Variants in PDE12 observed in about 807,000 individuals in gnomAD.
The protein encoded by PDE12 is 2',5'-phosphodiesterase 12.
A neutral mutation model predicts 45.4 loss-of-function variants in PDE12; 26 were observed. That is an observed-to-expected ratio of 0.57 (90% CI 0.42 to 0.79). The LOEUF is 0.79. Among genes scored for constraint, PDE12 ranks in the 30% least tolerant of loss-of-function variants. The pLI is 0.00. For missense variants in PDE12, 668 were observed against 790.0 expected (o/e 0.85, Z 1.85); for synonymous variants, 283 against 323.9 (o/e 0.87, Z 1.36).
At chr3:57,640,083 A>G in the PDE12 span, among the ~76,000 whole-genome samples, 5 of 151,468 alleles carry the variant, frequency 3.3e-5, no homozygotes, top group African/African-American at 1.2e-4. Flanking sequence ...AAACTGGCCA[A>G]CATGGTGAAA....
chr3:57,622,157 C>T, the PDE12 span, among the ~76,000 whole-genome samples: 1 of 152,156 alleles, frequency 6.6e-6, no homozygotes, highest in Admixed American at 6.6e-5. Context: ...GCCTGCGCAA[C>T]AGAGTGAGAC....
chr3:57,605,214 C>T, the PDE12 span, among the ~76,000 whole-genome samples: 1 of 151,914 alleles, frequency 6.6e-6, no homozygotes, highest in Non-Finnish European at 1.5e-5. Flanking sequence ...GTCTTTGAGC[C>T]GAGAGTCTAG....
At chr3:57,646,361 G>A in the PDE12 span, 17 of 1,613,864 alleles carry the variant, frequency 1.1e-5, no homozygotes, top group South Asian at 3.3e-5. Context: ...TGGTGATGGC[G>A]CCATAACCAC....
the PDE12 span, among the ~76,000 whole-genome samples, chr3:57,574,349 ATAATTTATCTC>A: frequency 7.9e-5 from 12 of 152,134 alleles, no homozygotes; most frequent in Non-Finnish European, 1.5e-4. Flanking sequence ...TAAGTTTCTG[ATAATTTATCTC>A]CATCACTGAA....
chr3:57,609,983 CAATAA>C, the PDE12 span, among the ~76,000 whole-genome samples: 1 of 152,122 alleles, frequency 6.6e-6, no homozygotes, highest in Non-Finnish European at 1.5e-5. Context: ...CAAAAATTCT[CAATAA>C]AATACTGGCA....
the PDE12 span, among the ~76,000 whole-genome samples, chr3:57,647,032 T>C: frequency 6.6e-6 from 1 of 152,308 alleles, no homozygotes; most frequent in East Asian, 1.9e-4. Flanking sequence ...TTACCAGGCC[T>C]AAGACACTTG....
the PDE12 span, among the ~76,000 whole-genome samples, chr3:57,575,174 C>G: frequency 6.6e-6 from 1 of 151,976 alleles, no homozygotes; most frequent in African/African-American, 2.4e-5. Context: ...TTAAAACAAG[C>G]AAACAAACAT....
chr3:57,634,779 G>A, the PDE12 span: 3 of 1,540,448 alleles, frequency 1.9e-6, no homozygotes, highest in East Asian at 2.3e-5. Flanking sequence ...CCTGAAGGAA[G>A]CAGCATAAAG....
At chr3:57,600,978 C>T in the PDE12 span, 2 of 152,094 alleles carry the variant, frequency 1.3e-5, no homozygotes, top group Non-Finnish European at 1.5e-5. Flanking sequence ...AGAAAAATTG[C>T]TATAGTTTAT....
chr3:57,632,755 A>G, the PDE12 span, among the ~76,000 whole-genome samples: 2 of 152,076 alleles, frequency 1.3e-5, no homozygotes, highest in Admixed American at 6.6e-5. Context: ...CAATAACCAC[A>G]TTGTCTAGTC....
the PDE12 span, chr3:57,628,433 C>A: frequency 6.8e-7 from 1 of 1,473,580 alleles, no homozygotes; most frequent in Non-Finnish European, 9.0e-7. Context: ...TTTTAAAGGT[C>A]TAACAATTAG....
chr3:57,644,207 C>T, the PDE12 span, among the ~76,000 whole-genome samples: 1 of 150,980 alleles, frequency 6.6e-6, no homozygotes, highest in Admixed American at 6.6e-5. Context: ...CAATACCTAG[C>T]GAACACCAAC....
At chr3:57,581,525 G>A in the PDE12 span, among the ~76,000 whole-genome samples, 1 of 152,348 alleles carries the variant, frequency 6.6e-6, no homozygotes, top group African/African-American at 2.4e-5. Context: ...TATTGGCCAA[G>A]CGCAGTAGCT....
At chr3:57,614,522 CGTTTTTTTTTTTTTGTTTTTT>C in the PDE12 span, among the ~76,000 whole-genome samples, 1 of 134,786 alleles carries the variant, frequency 7.4e-6, no homozygotes, top group African/African-American at 2.6e-5. Flanking sequence ...GCCTGTAATC[CGTTTTTTTTTTTTTGTTTTTT>C]GTTTTTTTTT....
the PDE12 span, among the ~76,000 whole-genome samples, chr3:57,635,280 G>C: frequency 1.3e-5 from 2 of 152,102 alleles, no homozygotes; most frequent in Non-Finnish European, 2.9e-5. Flanking sequence ...TACACTGCCA[G>C]CAAGTGGTGA....
chr3:57,615,655 T>TA, the PDE12 span, among the ~76,000 whole-genome samples: 4 of 151,942 alleles, frequency 2.6e-5, no homozygotes, highest in Non-Finnish European at 4.4e-5. Flanking sequence ...AACTTAAAGG[T>TA]TAGCTGGGCA....
the PDE12 span, chr3:57,654,746 C>T: frequency 1.0e-6 from 1 of 985,336 alleles, no homozygotes; most frequent in Non-Finnish European, 1.2e-6. Context: ...GAAAGGAGCG[C>T]CTACACTCAA....
chr3:57,557,605 C>A lies in PDE12; in HGVS notation c.1226C>A (p.Pro409Gln). The change falls in exon 1 of 3, where the codon CCA becomes CAA. Residue 409 changes from proline to glutamine, a missense_variant. By Grantham distance (76) the Pro-to-Gln change is moderately conservative. Transcript: ENST00000311180. ...ISFYEALESD[P>Q]LHKELLEKLV... ...TTCTACGAAGCCCTCGAGTCCGACC[C>A]ACTTCACAAAGAACTGCTGGAGAAA... is the stretch of plus-strand genomic sequence containing the variant. 6.2e-7 allele frequency: 1 copy of A among 1,614,130 alleles called. No homozygotes were observed. Among genetic ancestry groups the A allele is most frequent in the Non-Finnish European group, 8.5e-7 (1 of 1,180,040 alleles).
the PDE12 span, among the ~76,000 whole-genome samples, chr3:57,641,136 G>T: frequency 6.8e-6 from 1 of 147,124 alleles, no homozygotes; most frequent in East Asian, 2.0e-4. Context: ...TATATAGAAA[G>T]TTCTGTTTTA....
Sources: allele counts gnomAD v4.1 joint callset (sites outside exome capture counted in the v4.1 genomes callset), GRCh38; gene constraint gnomAD v4.1.1; transcripts MANE v1.5; gene names NCBI Gene and HGNC (gene_info 2026-07-23, HGNC 2026-07-21).